Variants in DAAM2 observed in about 807,000 individuals in gnomAD.
DAAM2 encodes the protein disheveled-associated activator of morphogenesis 2.
In DAAM2, 39 loss-of-function variants were observed where a neutral mutation model predicts 120.7. The observed-to-expected ratio is 0.32, with a 90% CI of 0.25 to 0.42. DAAM2 has a LOEUF of 0.42. Among genes scored for constraint, DAAM2 ranks in the 10% least tolerant of loss-of-function variants. The pLI is 1.00. For missense variants in DAAM2, 1,283 were observed against 1,401.7 expected (o/e 0.92, Z 1.35); for synonymous variants, 488 against 524.9 (o/e 0.93, Z 0.96).
intron 5 of DAAM2, among the ~76,000 whole-genome samples, chr6:39,865,561 G>A (rs1764395098): frequency 6.6e-6 from 1 of 152,078 alleles, no homozygotes; most frequent in Non-Finnish European, 1.5e-5. Flanking sequence ...TGGAAAATGG[G>A]GTAGAAGTCC....
At chr6:39,856,566 C>T in intron 2 of DAAM2, 96 bp downstream of exon 2, 1 of 1,029,194 alleles carries the variant, frequency 9.7e-7, no homozygotes, top group East Asian at 3.3e-5. Context: ...GCTGGGGTCT[C>T]CATCTCTCAA....
At chr6:39,863,971 T>C (rs989561192) in intron 3 of DAAM2, among the ~76,000 whole-genome samples, 26 of 152,298 alleles carry the variant, frequency 1.7e-4, no homozygotes, top group African/African-American at 5.8e-4. Context: ...GTTCTAGAAA[T>C]ACCTGAAAGA....
In DAAM2 at chr6:39,867,717, C is replaced by G. The variant is rs1157732860; in HGVS notation, c.636C>G (p.Asn212Lys). ...TAGCCCAGAGCCTACGCACAGAGAA[C>G]AGCAAGACCAAGGTGGCTGTGCTGG... Reference protein sequence around the residue: ...STIAQSLRTENSKTKVAVLEI... With the variant: ...STIAQSLRTEKSKTKVAVLEI... Residue 212 changes from asparagine to lysine, a missense_variant, in exon 6 of 25, where the codon AAC (asparagine) becomes AAG (lysine). By Grantham distance (94) the Asn-to-Lys change is moderately conservative. Transcript: ENST00000274867. 23 of 1,613,936 alleles carry G rather than the reference C, an allele frequency of 1.4e-5. No homozygotes were observed. The highest frequency in any genetic ancestry group is 2.2e-5 in the East Asian group (1 of 44,896).
chr6:39,857,623 A>G (rs539629458), intron 2 of DAAM2, among the ~76,000 whole-genome samples: 2 of 152,304 alleles, frequency 1.3e-5, no homozygotes, highest in African/African-American at 4.8e-5. Flanking sequence ...TGAAAGAAGG[A>G]CATGATAGGC....
At chr6:39,866,698 T>A (rs1764447382) in intron 5 of DAAM2, among the ~76,000 whole-genome samples, 1 of 152,246 alleles carries the variant, frequency 6.6e-6, no homozygotes, top group Admixed American at 6.5e-5. Flanking sequence ...ACACCTTAAA[T>A]AGCAAGAGCT....
At chr6:39,888,308 T>A (rs1268199521) in intron 16 of DAAM2, 1 of 160,890 alleles carries the variant, frequency 6.2e-6, no homozygotes, top group African/African-American at 2.4e-5. Context: ...CCGATAATCC[T>A]GTCCTCCCGT....
intron 5 of DAAM2, among the ~76,000 whole-genome samples, chr6:39,866,541 C>T (rs1011184533): frequency 1.3e-5 from 2 of 152,138 alleles, no homozygotes; most frequent in African/African-American, 4.8e-5. Flanking sequence ...TGTGGGCATG[C>T]CATGGACATC....
chr6:39,855,302 G>C (rs368478966), intron 1 of DAAM2, among the ~76,000 whole-genome samples: 1 of 152,144 alleles, frequency 6.6e-6, no homozygotes, highest in Non-Finnish European at 1.5e-5. Context: ...AATGACAGGG[G>C]TAGCGTTCTT....
intron 3 of DAAM2, among the ~76,000 whole-genome samples, chr6:39,864,232 G>T (rs1346580889): frequency 1.3e-5 from 2 of 152,200 alleles, no homozygotes; most frequent in Non-Finnish European, 1.5e-5. Flanking sequence ...GTCGTTGTCT[G>T]GCCATGAGAG....
intron 19 of DAAM2, 35 bp from the exon 20 acceptor site, chr6:39,896,777 C>T (rs759782757): frequency 3.3e-6 from 5 of 1,519,862 alleles, no homozygotes; most frequent in South Asian, 2.6e-5. Context: ...CCTGCCTAGC[C>T]CATGCAGGCC....
chr6:39,833,054 GT>G (rs1762974449), intron 1 of DAAM2, among the ~76,000 whole-genome samples: 1 of 152,110 alleles, frequency 6.6e-6, no homozygotes, highest in African/African-American at 2.4e-5. Flanking sequence ...TCAGAGCTGG[GT>G]TTAGGCAGGG....
chr6:39,893,232 G>T (rs1405711469), intron 19 of DAAM2, among the ~76,000 whole-genome samples: 12 of 152,176 alleles, frequency 7.9e-5, no homozygotes, highest in Admixed American at 7.9e-4. Context: ...ATTAGTCAGT[G>T]GAGGCTGGGT....
chr6:39,832,819 A>G (rs898047008), intron 1 of DAAM2, among the ~76,000 whole-genome samples: 1 of 152,104 alleles, frequency 6.6e-6, no homozygotes, highest in African/African-American at 2.4e-5. Flanking sequence ...GCTGAACTCC[A>G]TTGAAGGGGC....
Position 39,867,442 on chromosome 6 carries a change from G to C in DAAM2, c.429-68G>C, listed in dbSNP as rs1764475814. Reference sequence around the variant, plus strand: ...TGCATGGTGGTACACAGGTAAGGGGGTAACTATTTGCAAAGTGTACACAGA... The same window carrying C: ...TGCATGGTGGTACACAGGTAAGGGGCTAACTATTTGCAAAGTGTACACAGA... On this transcript the variant is annotated intron_variant, in intron 5 of 24. Transcript: ENST00000274867. 2.0e-5 allele frequency: 30 copies of C among 1,486,138 alleles called. 1 individual carries two copies. In the South Asian group the frequency reaches 3.0e-4, roughly 15 times the overall value. 92.1% of individuals were successfully genotyped at this position (1,486,138 alleles called of 1,614,324 possible). A position where few individuals can be genotyped will look rare whatever the true frequency, so the allele number is the denominator to read the frequency against.
intron 3 of DAAM2, among the ~76,000 whole-genome samples, chr6:39,863,489 G>T (rs760916374): frequency 6.6e-6 from 1 of 152,076 alleles, no homozygotes; most frequent in Admixed American, 6.5e-5. Flanking sequence ...CCCGCTGGCA[G>T]CTGGCAGAGA....
chr6:39,828,581 T>TTTTTTTTTTTTTTG (rs1372409752), intron 1 of DAAM2, among the ~76,000 whole-genome samples: 1 of 151,386 alleles, frequency 6.6e-6, no homozygotes, highest in Non-Finnish European at 1.5e-5. Flanking sequence ...TTTTTTTTTT[T>TTTTTTTTTTTTTTG]GAGACGGATT....
chr6:39,852,686 C>T (rs1306855630), intron 1 of DAAM2, among the ~76,000 whole-genome samples: 1 of 152,216 alleles, frequency 6.6e-6, no homozygotes, highest in South Asian at 2.1e-4. Context: ...GAGGAAGACC[C>T]TGTGATCAGG....
At chr6:39,896,593 G>A (rs1272719715) in intron 19 of DAAM2, among the ~76,000 whole-genome samples, 1 of 152,214 alleles carries the variant, frequency 6.6e-6, no homozygotes, top group East Asian at 1.9e-4. Flanking sequence ...GGGGTATCTG[G>A]TGAATTGGCC....
At chr6:39,797,029 CTG>C (rs1028315491) in intron 1 of DAAM2, among the ~76,000 whole-genome samples, 1 of 152,208 alleles carries the variant, frequency 6.6e-6, no homozygotes, top group African/African-American at 2.4e-5. Context: ...GGATTAACAA[CTG>C]TGCTTGGAGG....
Sources: gnomAD v4.1 joint callset for allele counts (sites outside exome capture counted in the v4.1 genomes callset) on GRCh38, gnomAD v4.1.1 for gene constraint, MANE v1.5 for transcripts, NCBI Gene and HGNC (gene_info 2026-07-23, HGNC 2026-07-21) for gene names.